Variants in MRPL47 observed in about 807,000 individuals in gnomAD.
MRPL47 encodes the protein mitochondrial ribosomal protein L47, also known as large ribosomal subunit protein uL29m.
A neutral mutation model predicts 34.0 loss-of-function variants in MRPL47; 31 were observed. That is an observed-to-expected ratio of 0.91 (90% confidence interval 0.68 to 1.23). The LOEUF is 1.23. Ranked by LOEUF, MRPL47 falls within the 50% of genes most tolerant of loss-of-function variation. The pLI is 0.00. For missense variants in MRPL47, 328 were observed against 285.8 expected, an observed-to-expected ratio of 1.15 and a Z score of -1.07; for synonymous variants, 106 against 101.6, an observed-to-expected ratio of 1.04 and a Z score of -0.26.
chr3:179,602,858 A>G, intron 1 of MRPL47, 61 bp from the exon 2 acceptor site: 2 of 1,245,626 alleles, frequency 1.6e-6, no homozygotes, highest in Non-Finnish European at 2.3e-6. Context: ...TATAAGCAAT[A>G]AACATTATCA....
intron 2 of MRPL47, 57 bp downstream of exon 2, chr3:179,602,595 G>C: frequency 2.6e-6 from 2 of 775,718 alleles, no homozygotes; most frequent in South Asian, 3.6e-5. Context: ...TGGTTGGGCG[G>C]GGCGGGGGGG....
chr3:179,593,664 A>C, intron 5 of MRPL47, 101 bp downstream of exon 5: 42 of 975,908 alleles, frequency 4.3e-5, no homozygotes, highest in Non-Finnish European at 5.5e-5. Flanking sequence ...CTCTAATATT[A>C]TCTCATATGG....
At chr3:179,600,442 A>G (rs1210196120) in intron 3 of MRPL47, among the ~76,000 whole-genome samples, 2 of 152,050 alleles carry the variant, frequency 1.3e-5, no homozygotes, top group Non-Finnish European at 2.9e-5. Flanking sequence ...GGAATTCAAG[A>G]CTAGCCTGGC....
At chr3:179,589,183 A>ATTT (rs1576863559) in intron 6 of MRPL47, among the ~76,000 whole-genome samples, 188 bp from the exon 7 acceptor site, 1 of 152,194 alleles carries the variant, frequency 6.6e-6, no homozygotes, top group East Asian at 1.9e-4. Flanking sequence ...GAGCATCTGA[A>ATTT]ACCCTATACC....
Position 179,604,559 on chromosome 3 carries a change from C to T in MRPL47, c.66G>A (p.Ser22=), listed in dbSNP as rs769693087. 4 of 1,614,094 alleles carry T rather than the reference C, an allele frequency of 2.5e-6. No individual in the cohort carries two copies. The highest frequency in any genetic ancestry group is 2.2e-5 in the East Asian group (1 of 44,896). The change falls in exon 1 of 7, where the codon TCG becomes TCA. Residue 22 remains serine (S), a synonymous_variant. Coordinates refer to ENST00000476781, the MANE Select transcript of MRPL47 (RefSeq NM_020409.3). Reference sequence around the variant, plus strand: ...AGGCAGGGACCTGAGGAGTTATTAACGATCGGGAAGATTTCAGGGCGGATG... The same window carrying T: ...AGGCAGGGACCTGAGGAGTTATTAATGATCGGGAAGATTTCAGGGCGGATG... ...RVSSALKSSR[S]LITPQVPACT...
rs1718953983 is a variant in MRPL47 at position 179,602,651 on chromosome 3, C to G, written c.244+1G>C. The G allele has an allele frequency of 5.6e-6, 9 of 1,599,030 alleles. No individual in the cohort carries two copies. The highest frequency in any genetic ancestry group is 7.7e-6 in the Non-Finnish European group (9 of 1,172,302). On this transcript the variant is annotated splice_donor_variant, in intron 2 of 6. Transcript: ENST00000476781. LOFTEE classifies it high-confidence loss of function. ...AATGTTGACAAATCCAAGTATCTCA[C>G]CAGATTTTACTTTTTCTTGCCCCCA...
rs749341517 is a variant in MRPL47, at chr3:179,602,775, T to C, written c.121A>G (p.Lys41Glu). The C allele has an allele frequency of 1.1e-5, 18 of 1,606,418 alleles. No individual in the cohort carries two copies. Among genetic ancestry groups the C allele is most frequent in the Non-Finnish European group, 1.5e-5 (18 of 1,178,352 alleles). The part of the protein sequence containing the change: ...CTGFFLSLLP[K>E]STPNVTSFHQ... Reference sequence around the variant, plus strand: ...AAGGATGTCACATTTGGTGTACTCTTAGGCAACAAACTAAGAAAAAACCTG... The same window carrying C: ...AAGGATGTCACATTTGGTGTACTCTCAGGCAACAAACTAAGAAAAAACCTG... The change falls in exon 2 of 7, where the codon AAG becomes GAG. Residue 41 changes from lysine to glutamate, a missense_variant. Lys to Glu is a moderately conservative substitution (Grantham distance 56, BLOSUM62 1). Transcript: ENST00000476781.
chr3:179,595,389 C>T (rs1215448557), intron 4 of MRPL47, among the ~76,000 whole-genome samples: 2 of 152,182 alleles, frequency 1.3e-5, no homozygotes, highest in East Asian at 3.8e-4. Flanking sequence ...CTGCTATCCT[C>T]AACTTCACTA....
At chr3:179,604,130 C>T (rs1404550796) in intron 1 of MRPL47, among the ~76,000 whole-genome samples, 1 of 152,150 alleles carries the variant, frequency 6.6e-6, no homozygotes. Context: ...GTAACACATC[C>T]TGTAAATACA....
In MRPL47 at chr3:179,602,700, C is replaced by G; in HGVS notation, c.196G>C (p.Glu66Gln). 1 of 1,606,686 alleles carries G rather than the reference C, an allele frequency of 6.2e-7. No homozygotes were observed. The highest frequency in any genetic ancestry group is 8.5e-7 in the Non-Finnish European group (1 of 1,176,908). Residue 66 changes from glutamate to glutamine, a missense_variant, in exon 2 of 7, where the codon GAA (glutamate) becomes CAA (glutamine). Transcript: ENST00000476781. ...HTTLSRKGLE[E>Q]FFDDPKNWGQ... ...CAGTTTTTTGGGTCATCAAAAAATT[C>G]TTCTAGTCCTTTCCTTGACAATGTG...
chr3:179,602,165 C>T (rs1576871468), intron 2 of MRPL47, among the ~76,000 whole-genome samples: 1 of 152,022 alleles, frequency 6.6e-6, no homozygotes, highest in East Asian at 1.9e-4. Flanking sequence ...ACCAAGATGG[C>T]GAAATCCTGT....
chr3:179,596,556 T>G (rs1438924552), intron 4 of MRPL47, among the ~76,000 whole-genome samples: 1 of 152,172 alleles, frequency 6.6e-6, no homozygotes, highest in Non-Finnish European at 1.5e-5. Flanking sequence ...TAATCCACGG[T>G]TGAAGTTCAA....
At chr3:179,598,636 A>G (rs1323854910) in intron 4 of MRPL47, 39 bp downstream of exon 4, 1 of 1,211,024 alleles carries the variant, frequency 8.3e-7, no homozygotes, top group African/African-American at 1.5e-5. Flanking sequence ...TTTTAGCTGT[A>G]ATCATGTATA....
At chr3:179,592,847 A>C in intron 5 of MRPL47, 108 bp from the exon 6 acceptor site, 1 of 685,916 alleles carries the variant, frequency 1.5e-6, no homozygotes, top group Non-Finnish European at 2.5e-6. Context: ...AGTAGAAAAT[A>C]AAACATAAAC....
intron 4 of MRPL47, among the ~76,000 whole-genome samples, chr3:179,595,482 T>G (rs1186381808): frequency 6.6e-6 from 1 of 152,244 alleles, no homozygotes; most frequent in Non-Finnish European, 1.5e-5. Flanking sequence ...AAATGATGAC[T>G]AAGACAAATT....
At chr3:179,602,426 C>T (rs954306104) in intron 2 of MRPL47, among the ~76,000 whole-genome samples, 1 of 152,078 alleles carries the variant, frequency 6.6e-6, no homozygotes, top group East Asian at 1.9e-4. Flanking sequence ...TTAATAATTT[C>T]AGCCTATTCC....
intron 6 of MRPL47, among the ~76,000 whole-genome samples, chr3:179,589,286 T>TTGAA (rs1304356246): frequency 6.6e-6 from 1 of 152,192 alleles, no homozygotes; most frequent in African/African-American, 2.4e-5. Flanking sequence ...TGACTAAGCA[T>TTGAA]CATCTCTTAG....
At chr3:179,598,396 T>TAACACACACACACACA (rs1718839618) in intron 4 of MRPL47, among the ~76,000 whole-genome samples, 1 of 32,542 alleles carries the variant, frequency 3.1e-5, no homozygotes, top group Non-Finnish European at 5.4e-5. Flanking sequence ...CCTGACACAC[T>TAACACACACACACACA]GACACACACA....
intron 3 of MRPL47, among the ~76,000 whole-genome samples, chr3:179,599,458 C>T (rs1024915990): frequency 4.6e-5 from 7 of 152,212 alleles, no homozygotes; most frequent in African/African-American, 1.7e-4. Flanking sequence ...GTTTTCACAA[C>T]CACCTTCTGA....
Sources: gnomAD v4.1 joint callset for allele counts (sites outside exome capture counted in the v4.1 genomes callset) on GRCh38, gnomAD v4.1.1 for gene constraint, MANE v1.5 for transcripts, NCBI Gene and HGNC (gene_info 2026-07-23, HGNC 2026-07-21) for gene names.